The following DST variants were observed in gnomAD, a reference collection of about 807,000 sequenced individuals.
DST encodes the protein bullous pemphigoid antigen.
Under a neutral mutation model 875.2 loss-of-function variants are expected in DST, and 253 were observed. The ratio of observed to expected loss-of-function variants is 0.29; its 90% CI spans 0.26 to 0.32. DST has a LOEUF of 0.32. DST is among the 10% of genes least tolerant of loss of function. DST has a pLI of 1.00. For synonymous variants in DST, 3,124 were observed against 3,197.1 expected (o/e 0.98, Z 0.77); for missense variants, 8,287 against 9,111.6 (o/e 0.91, Z 3.68).
chr6:56,524,686 C>A (rs2096766209), intron 69 of DST, among the ~76,000 whole-genome samples: 1 of 152,026 alleles, frequency 6.6e-6, no homozygotes, highest in Non-Finnish European at 1.5e-5. Flanking sequence ...AAAATACACA[C>A]ATGAACAACC....
rs182413181 is a variant in DST, at chr6:56,875,568, G to A, written c.418-23964C>T. Among the ~76,000 whole-genome samples the A allele has an allele frequency of 2.2e-4, 34 of 152,172 alleles. 1 individual carries two copies. The East Asian group carries it at 5.8e-3, about 26-fold the overall frequency. On this transcript the variant is annotated intron_variant, in intron 3 of 103. Coordinates refer to ENST00000680361, the MANE Select transcript of DST (RefSeq NM_001374736.1). ...GTTAAGTTCCAAGCTTCTTATTTTG[G>A]AATCAATAACATGTATTTAGGTCCC...
intron 72 of DST, among the ~76,000 whole-genome samples, chr6:56,514,578 T>A (rs9475711): frequency 8.3e-5 from 12 of 145,030 alleles, no homozygotes; most frequent in African/African-American, 3.1e-4. Flanking sequence ...CACAGGCGTA[T>A]ACACACACAC....
rs139416091 is a variant in DST at position 56,683,240 on chromosome 6, T to C, written c.1048-12433A>G. Among the ~76,000 whole-genome samples the C allele has an allele frequency of 3.9e-5, 6 of 152,336 alleles. No homozygotes were observed. In the East Asian group the frequency reaches 1.2e-3, roughly 29 times the overall value. ...AGATTGTTACCACTAGTCTGGAATG[T>C]CAATACCAACAACATGTTTTGAAAC... On this transcript the variant is annotated intron_variant, in intron 9 of 103. Coordinates refer to ENST00000680361, the MANE Select transcript of DST (RefSeq NM_001374736.1).
At chr6:56,551,362 C>T (rs1279299105) in intron 61 of DST, among the ~76,000 whole-genome samples, 1 of 152,164 alleles carries the variant, frequency 6.6e-6, no homozygotes. Context: ...ATAAATATAA[C>T]AGGAGCTGTG....
chr6:56,575,143 G>A (rs978778803), intron 50 of DST, among the ~76,000 whole-genome samples: 55 of 152,008 alleles, frequency 3.6e-4, no homozygotes, highest in African/African-American at 1.2e-3. Context: ...AAATGCCATC[G>A]GCAGAGGAAA....
In DST at chr6:56,639,778, A is replaced by C. The variant is rs1249191007; in HGVS notation, c.2620-5T>G. The C allele has an allele frequency of 6.2e-7, 1 of 1,612,058 alleles. No homozygotes were observed. The highest frequency in any genetic ancestry group is 8.5e-7 in the Non-Finnish European group (1 of 1,178,404). ...AAGAGGTGCTGTCATTTGAATCTAT[A>C]ACATGAGATTAAAAAGACACTCCAG... On this transcript the variant is annotated splice_polypyrimidine_tract_variant and splice_region_variant and intron_variant, in intron 19 of 103. Transcript: ENST00000680361.
intron 92 of DST, 63 bp from the exon 93 acceptor site, chr6:56,474,065 G>A (rs1582400384): frequency 1.5e-6 from 2 of 1,377,038 alleles, no homozygotes; most frequent in East Asian, 5.0e-5. Flanking sequence ...CTTTAGAAAT[G>A]AACTAAAAGC....
chr6:56,655,194 A>G (rs1283278566), intron 10 of DST, among the ~76,000 whole-genome samples: 1 of 151,662 alleles, frequency 6.6e-6, no homozygotes, highest in East Asian at 1.9e-4. Flanking sequence ...GATTAGCACA[A>G]CAGACCACTG....
At chr6:56,555,924 T>C (rs140944755) in intron 59 of DST, 84 bp from the exon 60 acceptor site, 90 of 1,310,284 alleles carry the variant, frequency 6.9e-5, no homozygotes, top group Non-Finnish European at 8.8e-5. Flanking sequence ...CAGACAGAAA[T>C]GGTAATTATT....
intron 88 of DST, 43 bp from the exon 89 acceptor site, chr6:56,482,920 C>T: frequency 1.4e-6 from 2 of 1,425,016 alleles, no homozygotes; most frequent in East Asian, 2.4e-5. Context: ...AATTACAAAA[C>T]CAAAACAGCA....
At chr6:56,499,123 T>C (rs2152455323) in intron 80 of DST, among the ~76,000 whole-genome samples, 1 of 152,244 alleles carries the variant, frequency 6.6e-6, no homozygotes, top group Non-Finnish European at 1.5e-5. Flanking sequence ...AACCTCCCTC[T>C]AATGTTGGTA....
chr6:56,567,694 A>G (rs1481077599), intron 55 of DST, among the ~76,000 whole-genome samples: 1 of 152,182 alleles, frequency 6.6e-6, no homozygotes, highest in Non-Finnish European at 1.5e-5. Flanking sequence ...AGAAGGGCCC[A>G]GCTGGAACAT....
chr6:56,940,836 C>T (rs1349439837), intron 2 of DST, among the ~76,000 whole-genome samples: 1 of 151,892 alleles, frequency 6.6e-6, no homozygotes, highest in Admixed American at 6.6e-5. Context: ...GTGATCCTCC[C>T]CCGTCAGCCT....
intron 7 of DST, among the ~76,000 whole-genome samples, chr6:56,703,054 G>C (rs1476378927): frequency 6.6e-6 from 1 of 152,170 alleles, no homozygotes; most frequent in African/African-American, 2.4e-5. Context: ...GCAAAGGTAG[G>C]CTGCAGTCAA....
chr6:56,462,470 C>A (rs947536165), intron 102 of DST, among the ~76,000 whole-genome samples: 22 of 152,104 alleles, frequency 1.4e-4, no homozygotes, highest in African/African-American at 5.3e-4. Context: ...TTTCTGCATA[C>A]CTAAGCCTAC....
intron 9 of DST, among the ~76,000 whole-genome samples, chr6:56,697,147 T>C (rs1256422693): frequency 6.6e-6 from 1 of 152,244 alleles, no homozygotes; most frequent in East Asian, 1.9e-4. Flanking sequence ...CTCAGTAGTC[T>C]ACTGTTTCGT....
At chr6:56,817,629 T>C (rs2099768132) in intron 4 of DST, among the ~76,000 whole-genome samples, 1 of 152,174 alleles carries the variant, frequency 6.6e-6, no homozygotes, top group African/African-American at 2.4e-5. Flanking sequence ...TCATACTTCA[T>C]TTTTTATGAA....
intron 75 of DST, 116 bp from the exon 76 acceptor site, chr6:56,506,905 T>C: frequency 8.9e-7 from 1 of 1,120,042 alleles, no homozygotes; most frequent in Non-Finnish European, 1.2e-6. Flanking sequence ...TAATCATTTT[T>C]CTGTTTTCTA....
In DST at chr6:56,733,544, A is replaced by G. The variant is rs1290628890; in HGVS notation, c.687+1684T>C. ...ATCCTCACACCAAGCTGGCATTACC[A>G]CCATTTTACAGATGAGGGCATAAAG... On this transcript the variant is annotated intron_variant, in intron 5 of 103. Transcript: ENST00000680361. Among the ~76,000 whole-genome samples the G allele has an allele frequency of 2.0e-5, 3 of 152,266 alleles. No individual in the cohort carries two copies. The East Asian group carries it at 5.8e-4, about 29-fold the overall frequency.
Sources: gnomAD v4.1 joint callset for allele counts (sites outside exome capture counted in the v4.1 genomes callset) on GRCh38, gnomAD v4.1.1 for gene constraint, MANE v1.5 for transcripts, NCBI Gene and HGNC (gene_info 2026-07-23, HGNC 2026-07-21) for gene names.